PDE11A: variants seen among roughly 807,000 people sequenced by gnomAD.
PDE11A encodes the protein dual 3',5'-cyclic-AMP and -GMP phosphodiesterase 11A.
In PDE11A, 100 loss-of-function variants were observed where a neutral mutation model predicts 100.5. The ratio of observed to expected loss-of-function variants is 1.00; its 90% confidence interval spans 0.85 to 1.18. The LOEUF is 1.18. Ranked by LOEUF, PDE11A falls within the 50% of genes most tolerant of loss-of-function variation. The pLI, the probability that PDE11A is intolerant of heterozygous loss-of-function variation, is 0.00. For synonymous variants in PDE11A, 381 were observed against 420.8 expected (o/e 0.91, Z 1.16); for missense variants, 1,141 against 1,152.6 (o/e 0.99, Z 0.15).
intron 10 of PDE11A, among the ~76,000 whole-genome samples, chr2:177,731,977 G>A (rs1421078892): frequency 6.6e-6 from 1 of 152,158 alleles, no homozygotes. Flanking sequence ...CATGGGGAGA[G>A]AACAAAAGAA....
exon 1 of PDE11A, chr2:178,108,323 G>C (rs1005987061): frequency 6.6e-6 from 1 of 151,694 alleles, no homozygotes; most frequent in African/African-American, 2.4e-5. Context: ...AGCACCTCAC[G>C]CCCTGGGCTG....
intron 9 of PDE11A, among the ~76,000 whole-genome samples, chr2:177,803,098 A>C (rs2082817058): frequency 6.6e-6 from 1 of 151,900 alleles, no homozygotes; most frequent in Non-Finnish European, 1.5e-5. Context: ...AATAATTTTC[A>C]CTTCAAGTAA....
intron 2 of PDE11A, among the ~76,000 whole-genome samples, chr2:177,988,525 A>T: frequency 6.6e-6 from 1 of 152,226 alleles, no homozygotes; most frequent in East Asian, 1.9e-4. Flanking sequence ...CTGTGCAGTC[A>T]CAAGGGACCC....
At chr2:178,020,899 CTTTGTTTT>C (rs2086399709) in intron 1 of PDE11A, among the ~76,000 whole-genome samples, 3 of 141,088 alleles carry the variant, frequency 2.1e-5, no homozygotes, top group Middle Eastern at 3.6e-3. Flanking sequence ...TCTATTAAGT[CTTTGTTTT>C]TTTGTTTTTT....
chr2:177,638,824 G>C (rs1176870254), intron 19 of PDE11A, among the ~76,000 whole-genome samples: 1 of 152,152 alleles, frequency 6.6e-6, no homozygotes, highest in East Asian at 1.9e-4. Context: ...GGGTACTCTA[G>C]CTGGCAGGAG....
At chr2:177,766,680 G>A (rs2082244304) in intron 10 of PDE11A, among the ~76,000 whole-genome samples, 1 of 152,120 alleles carries the variant, frequency 6.6e-6, no homozygotes, top group South Asian at 2.1e-4. Context: ...ATTATGTTAA[G>A]CCCACTACAT....
chr2:177,805,999 C>T (rs1016428179), intron 9 of PDE11A, among the ~76,000 whole-genome samples: 4 of 152,134 alleles, frequency 2.6e-5, no homozygotes, highest in Non-Finnish European at 5.9e-5. Flanking sequence ...CAATTGGTTA[C>T]ATAGTGGAGA....
intron 19 of PDE11A, among the ~76,000 whole-genome samples, chr2:177,631,558 T>TGA (rs2079940179): frequency 2.7e-5 from 1 of 37,366 alleles, no homozygotes; most frequent in Non-Finnish European, 4.8e-5. Flanking sequence ...CACATGTATA[T>TGA]ATATATATAT....
chr2:177,943,686 T>C (rs1223712337), intron 2 of PDE11A, among the ~76,000 whole-genome samples: 2 of 152,238 alleles, frequency 1.3e-5, no homozygotes, highest in Non-Finnish European at 2.9e-5. Context: ...TGTTGCCTTT[T>C]CATTCTATTC....
intron 9 of PDE11A, among the ~76,000 whole-genome samples, chr2:177,805,766 A>G (rs1320992062): frequency 6.6e-6 from 1 of 152,218 alleles, no homozygotes; most frequent in Non-Finnish European, 1.5e-5. Context: ...GAAAATAGAA[A>G]GGATTGGCCA....
chr2:177,776,384 G>C (rs773520825), intron 9 of PDE11A, among the ~76,000 whole-genome samples: 1 of 152,154 alleles, frequency 6.6e-6, no homozygotes, highest in Admixed American at 6.5e-5. Context: ...AAAACGCTAA[G>C]CTACATGCCA....
At position 177,905,843 on chromosome 2, in the gene PDE11A, G is replaced by T. The variant is rs150382833; in HGVS notation, c.1072-656C>A. ...TGGGATGCTTCTGCAGAAGCCTGAT[G>T]AGGAAAGGCTGGGAGCCTGTAATGG... On this transcript the variant is annotated intron_variant, in intron 2 of 19. Coordinates refer to ENST00000286063, the MANE Select transcript of PDE11A (RefSeq NM_016953.4). Among the ~76,000 whole-genome samples the T allele has an allele frequency of 2.6e-5, 4 of 152,318 alleles. No homozygotes were observed. In the East Asian group the frequency reaches 7.7e-4, roughly 29 times the overall value.
rs2084701858 is a variant in PDE11A at position 177,901,779 on chromosome 2, A to T, written c.1161+3319T>A. Among the ~76,000 whole-genome samples, 6 of 152,208 alleles carry T rather than the reference A, an allele frequency of 3.9e-5. No individual in the cohort carries two copies. In the South Asian group the frequency reaches 1.2e-3, roughly 31 times the overall value. On this transcript the variant is annotated intron_variant, in intron 3 of 19. Transcript: ENST00000286063. The stretch of plus-strand genomic sequence containing the variant: ...TGGGGAAAACATTATTTCTTTAATC[A>T]TCTAGACTATTTCTTCAGATGGATC...
intron 10 of PDE11A, among the ~76,000 whole-genome samples, chr2:177,763,630 C>T (rs980542034): frequency 2.6e-5 from 4 of 152,144 alleles, no homozygotes; most frequent in African/African-American, 9.7e-5. Context: ...GCCTCTGCCA[C>T]CCCGCTGCTG....
chr2:177,801,000 T>C (rs1027575026), intron 9 of PDE11A, among the ~76,000 whole-genome samples: 3 of 152,242 alleles, frequency 2.0e-5, no homozygotes, highest in Non-Finnish European at 4.4e-5. Context: ...ATACATCTGA[T>C]AATTGTTTCA....
rs541578642 is a variant in PDE11A, at chr2:177,624,702, A to C, written c.*4705T>G. On this transcript the variant is annotated 3_prime_UTR_variant, in exon 20 of 20. Transcript: ENST00000286063. ...TAACTTCTCTTAACTTTATAAATTCACTTCTAAATTAATGACTACCATTTA... is the reference window on the plus strand; with the variant it reads ...TAACTTCTCTTAACTTTATAAATTCCCTTCTAAATTAATGACTACCATTTA... The C allele has an allele frequency of 3.3e-5, 5 of 152,234 alleles. No individual in the cohort carries two copies. The highest frequency in any genetic ancestry group is 5.9e-5 in the Non-Finnish European group (4 of 68,046). The allele number at this position is 152,234 out of a possible 1,614,324, so 9.4% of individuals were successfully genotyped here.
At chr2:178,021,296 A>C (rs970069808) in intron 1 of PDE11A, among the ~76,000 whole-genome samples, 6 of 152,120 alleles carry the variant, frequency 3.9e-5, no homozygotes, top group Non-Finnish European at 5.9e-5. Flanking sequence ...AAAATAATGC[A>C]TCTTAGGACA....
rs568723209 is a variant in PDE11A, at chr2:177,794,442, C to T, written c.1737+22387G>A. Reference sequence around the variant, plus strand: ...GTTTTGGAAACCATCGTAACTTGGCCTTTTGTTAAAACAAGTAAGTGTAGG... The same window carrying T: ...GTTTTGGAAACCATCGTAACTTGGCTTTTTGTTAAAACAAGTAAGTGTAGG... On this transcript the variant is annotated intron_variant, in intron 9 of 19. Transcript: ENST00000286063. Among the ~76,000 whole-genome samples the T allele has an allele frequency of 5.3e-5, 8 of 152,248 alleles. No individual in the cohort carries two copies. In the South Asian group the frequency reaches 1.5e-3, roughly 28 times the overall value.
intron 15 of PDE11A, among the ~76,000 whole-genome samples, chr2:177,692,648 G>A (rs892970350): frequency 3.9e-5 from 6 of 152,256 alleles, no homozygotes; most frequent in East Asian, 1.9e-4. Context: ...ACTGGAAAAC[G>A]TTTTCAGTGA....
Sources: gnomAD v4.1 joint callset for allele counts (sites outside exome capture counted in the v4.1 genomes callset) on GRCh38, gnomAD v4.1.1 for gene constraint, MANE v1.5 for transcripts, NCBI Gene and HGNC (gene_info 2026-07-23, HGNC 2026-07-21) for gene names.